Variants in SGSM2 observed in about 807,000 individuals in gnomAD.
The protein encoded by SGSM2 is RUN and TBC1 domain containing 1.
A neutral mutation model predicts 126.6 loss-of-function variants in SGSM2; 89 were observed. The ratio of observed to expected loss-of-function variants is 0.70; its 90% CI spans 0.59 to 0.84. The LOEUF (loss-of-function observed/expected upper bound fraction) is 0.84. Among genes scored for constraint, SGSM2 ranks in the 40% least tolerant of loss-of-function variants. The pLI, the probability that SGSM2 is intolerant of heterozygous loss-of-function variation, is 0.00. For missense variants in SGSM2, 1,404 were observed against 1,416.6 expected, an observed-to-expected ratio of 0.99 and a Z score of 0.14; for synonymous variants, 614 against 574.3, an observed-to-expected ratio of 1.07 and a Z score of -0.99.
At position 2,362,140 on chromosome 17, in the gene SGSM2, C is replaced by CTGTCT. The variant is rs1261302370; in HGVS notation, c.328_329insTGTCT (p.Arg110LeufsTer20). 1 of 1,613,406 alleles carries CTGTCT rather than the reference C, an allele frequency of 6.2e-7. No individual in the cohort carries two copies. Among genetic ancestry groups the CTGTCT allele is most frequent in the Non-Finnish European group, 8.5e-7 (1 of 1,179,900 alleles). ...CTCAGGGGTCAGCCAGGAGGCCCTG[C>CTGTCT]GGAGACAGGGCTCAGCCAGCGGGAA... is the stretch of plus-strand genomic sequence containing the variant. On this transcript the variant is annotated frameshift_variant, in exon 4 of 24. Transcript: ENST00000268989. LOFTEE classifies it high-confidence loss of function. The surrounding 1 kb of genome is among the most constrained non-coding windows in gnomAD (Gnocchi z 4.9).
At chr17:2,364,722 T>C in intron 9 of SGSM2, 59 bp downstream of exon 9, 1 of 1,596,298 alleles carries the variant, frequency 6.3e-7, no homozygotes, top group Non-Finnish European at 8.6e-7. Flanking sequence ...CTGCCAGCTG[T>C]GCACTGTGCG....
Position 2,371,302 on chromosome 17 carries a change from C to T in SGSM2, c.1464C>T (p.Ser488=), listed in dbSNP as rs1166703209. The T allele has an allele frequency of 1.2e-6, 2 of 1,612,272 alleles. No individual in the cohort carries two copies. The highest frequency in any genetic ancestry group is 1.3e-5 in the African/African-American group (1 of 74,940). The change falls in exon 13 of 24, where the codon AGC becomes AGT. Residue 488 remains serine, a synonymous_variant. Coordinates refer to ENST00000268989, the MANE Select transcript of SGSM2 (RefSeq NM_014853.3). ...TCGAGATGCAGGGCTTTGGGCCCAG[C>T]CTGCCAGCCTGGCACCTGGAGCCCC... is the stretch of plus-strand genomic sequence containing the variant. ...DMIEMQGFGP[S]LPAWHLEPLC...
chr17:2,376,525 G>A (rs1261708034), intron 19 of SGSM2: 4 of 679,762 alleles, frequency 5.9e-6, no homozygotes, highest in Admixed American at 5.5e-5. Flanking sequence ...AAGCGTGACG[G>A]CCTTGGCTCT....
At chr17:2,364,343 T>A (rs1567826465) in intron 8 of SGSM2, 160 bp downstream of exon 8, 11 of 999,110 alleles carry the variant, frequency 1.1e-5, no homozygotes, top group Admixed American at 2.3e-5. Context: ...ATTCCCAAGC[T>A]CTCTAGGACG....
intron 9 of SGSM2, 24 bp from the exon 10 acceptor site, chr17:2,364,873 C>T (rs374690262): frequency 8.7e-5 from 140 of 1,603,712 alleles, no homozygotes; most frequent in Admixed American, 4.2e-4. Context: ...GGGCCTCAGC[C>T]GCACTCTCCA....
chr17:2,351,926 A>C (rs1022827628), intron 2 of SGSM2, among the ~76,000 whole-genome samples: 1 of 152,202 alleles, frequency 6.6e-6, no homozygotes, highest in Non-Finnish European at 1.5e-5. Flanking sequence ...CAGTATCACC[A>C]GTGCAGGCTG....
chr17:2,345,155 C>T (rs1354711330), intron 2 of SGSM2, among the ~76,000 whole-genome samples: 2 of 151,982 alleles, frequency 1.3e-5, no homozygotes, highest in African/African-American at 2.4e-5. Flanking sequence ...TTATGATAAG[C>T]AACTTTGAAG....
At chr17:2,361,476 G>A (rs981270890) in intron 2 of SGSM2, among the ~76,000 whole-genome samples, 161 bp from the exon 3 acceptor site, 2 of 152,216 alleles carry the variant, frequency 1.3e-5, no homozygotes, top group Non-Finnish European at 2.9e-5. Flanking sequence ...CAGGAGCCGA[G>A]GGACGGGGAG....
chr17:2,379,042 T>C lies in SGSM2; in HGVS notation c.2906T>C (p.Leu969Pro), dbSNP rs1438065431. Reference protein sequence around the residue: ...WFLLDFKRELLYEDVFAVWEV... With the variant: ...WFLLDFKRELPYEDVFAVWEV... ...AGCCGCTTACTCTCCGCAGAACTGC[T>C]GTATGAGGATGTGTTTGCTGTGTGG... is the stretch of plus-strand genomic sequence containing the variant. Residue 969 changes from leucine (L) to proline (P), a missense_variant, in exon 23 of 24, where the codon CTG becomes CCG. Transcript: ENST00000268989. 1.2e-6 allele frequency: 2 copies of C among 1,613,976 alleles called. No individual in the cohort carries two copies. Among genetic ancestry groups the C allele is most frequent in the Non-Finnish European group, 1.7e-6 (2 of 1,179,926 alleles).
At position 2,379,441 on chromosome 17, in the gene SGSM2, A is replaced by G; in HGVS notation, c.3077A>G (p.Glu1026Gly). ...DIIKFFNERA[E>G]HHDAQEILRI... ...TCACGTTTCCCCCCAGAACGTGCTGAGCATCACGATGCCCAGGAGATCCTG... is the reference window on the plus strand; with the variant it reads ...TCACGTTTCCCCCCAGAACGTGCTGGGCATCACGATGCCCAGGAGATCCTG... The change falls in exon 24 of 24, where the codon GAG (glutamate) becomes GGG (glycine). Residue 1026 changes from glutamate (E) to glycine (G), a missense_variant. Transcript: ENST00000268989. The G allele has an allele frequency of 6.2e-7, 1 of 1,613,036 alleles. No homozygotes were observed. Among genetic ancestry groups the G allele is most frequent in the African/African-American group, 1.3e-5 (1 of 75,010 alleles).
intron 2 of SGSM2, among the ~76,000 whole-genome samples, chr17:2,353,825 TC>T (rs1477355620): frequency 2.0e-4 from 31 of 152,162 alleles, no homozygotes; most frequent in Admixed American, 2.0e-3. Context: ...TTCACCCACT[TC>T]CTGTCTATGT....
chr17:2,350,397 G>T (rs865921479), intron 2 of SGSM2, among the ~76,000 whole-genome samples: 3 of 151,698 alleles, frequency 2.0e-5, no homozygotes, highest in South Asian at 2.1e-4. Flanking sequence ...ATCACCTGAG[G>T]TCAGGAGTTC....
chr17:2,352,592 C>T (rs2064902357), intron 2 of SGSM2, among the ~76,000 whole-genome samples: 1 of 152,040 alleles, frequency 6.6e-6, no homozygotes, highest in African/African-American at 2.4e-5. Context: ...CCTCTGAAGG[C>T]CACTGAGTGG....
intron 2 of SGSM2, among the ~76,000 whole-genome samples, chr17:2,359,874 A>T (rs1007498624): frequency 6.6e-6 from 1 of 152,040 alleles, no homozygotes; most frequent in Admixed American, 6.5e-5. Context: ...GGGAAGTGCA[A>T]CCCCAGGAAA....
intron 19 of SGSM2, 38 bp from the exon 20 acceptor site, chr17:2,376,695 T>C (rs754037831): frequency 5.0e-5 from 81 of 1,605,846 alleles, no homozygotes; most frequent in Non-Finnish European, 6.7e-5. Context: ...GAGGGAAGAA[T>C]GGGGCACAGC....
At chr17:2,353,994 C>T (rs994129290) in intron 2 of SGSM2, among the ~76,000 whole-genome samples, 1 of 151,488 alleles carries the variant, frequency 6.6e-6, no homozygotes, top group African/African-American at 2.4e-5. Context: ...CTGCAACCTC[C>T]TGGGCTGGGC....
chr17:2,375,946 C>T (rs1449287982), intron 18 of SGSM2, 71 bp downstream of exon 18: 13 of 1,512,534 alleles, frequency 8.6e-6, no homozygotes, highest in Middle Eastern at 2.5e-4. Flanking sequence ...GCTGGGGAAG[C>T]GCTGGTGGGG....
chr17:2,362,202 A>T lies in SGSM2; in HGVS notation c.390A>T (p.Val130=), dbSNP rs373998365. ...TCAGCCCTCAGGCCTTGAAACACGT[A>T]TGGGTACGCACGGCGCTCATCGAGA... ...PALSPQALKH[V]WVRTALIEKV... is the part of the protein sequence containing the mutation. Residue 130 remains valine, a synonymous_variant, in exon 4 of 24, where the codon GTA becomes GTT. Coordinates refer to ENST00000268989, the MANE Select transcript of SGSM2 (RefSeq NM_014853.3). The surrounding 1 kb of genome is among the most constrained non-coding windows in gnomAD (Gnocchi z 4.9). 5.9e-5 allele frequency: 95 copies of T among 1,613,344 alleles called. No homozygotes were observed. Among genetic ancestry groups the T allele is most frequent in the Non-Finnish European group, 7.7e-5 (91 of 1,179,836 alleles).
intron 21 of SGSM2, 43 bp from the exon 22 acceptor site, chr17:2,377,814 C>A (rs373879679): frequency 7.5e-7 from 1 of 1,333,398 alleles, no homozygotes; most frequent in South Asian, 1.2e-5. Context: ...GAGGCAGCAT[C>A]GGCTCAGGGC....
Sources: allele counts gnomAD v4.1 joint callset (sites outside exome capture counted in the v4.1 genomes callset), GRCh38; gene constraint gnomAD v4.1.1; non-coding constraint Gnocchi (gnomAD v3.1); transcripts MANE v1.5; gene names NCBI Gene and HGNC (gene_info 2026-07-23, HGNC 2026-07-21).